Variants in UBA6 observed in about 807,000 individuals in gnomAD.
The protein encoded by UBA6 is ubiquitin-like modifier-activating enzyme 6.
In UBA6, 87 loss-of-function variants were observed where a neutral mutation model predicts 148.3. That is an observed-to-expected ratio of 0.59 (90% CI 0.49 to 0.70). UBA6 has a LOEUF of 0.70. UBA6 is among the 30% of genes least tolerant of loss of function. The pLI is 0.00. For synonymous variants in UBA6, 376 were observed against 401.0 expected (o/e 0.94, Z 0.75); for missense variants, 1,186 against 1,241.2 (o/e 0.96, Z 0.67).
At position 67,657,864 on chromosome 4, in the gene UBA6, C is replaced by A. The variant is rs1239273344; in HGVS notation, c.1104+4325G>T. On this transcript the variant is annotated intron_variant, in intron 13 of 32. Transcript: ENST00000322244. ...AAAAAGAAAACAAAAAACAAACAAC[C>A]CCATCAAAAAGTGGGCAAAGGATAT... Among the ~76,000 whole-genome samples the A allele has an allele frequency of 3.3e-5, 5 of 151,146 alleles. No individual in the cohort carries two copies. In the East Asian group the frequency reaches 9.7e-4, roughly 29 times the overall value.
At chr4:67,632,291 AT>A (rs1263732334) in intron 23 of UBA6, among the ~76,000 whole-genome samples, 1 of 127,178 alleles carries the variant, frequency 7.9e-6, no homozygotes, top group African/African-American at 2.9e-5. Context: ...AGTACTTTGT[AT>A]TTTTGAAATT....
At position 67,701,086 on chromosome 4, in the gene UBA6, C is replaced by A. The variant is rs1730971147; in HGVS notation, c.34G>T (p.Gly12Trp). The A allele has an allele frequency of 1.2e-6, 2 of 1,613,818 alleles. No homozygotes were observed. Among genetic ancestry groups the A allele is most frequent in the Non-Finnish European group, 1.7e-6 (2 of 1,179,806 alleles). The change falls in exon 1 of 33, where the codon GGG becomes TGG. Residue 12 changes from glycine to tryptophan, a missense_variant. Gly to Trp is a radical substitution (Grantham distance 184). Transcript: ENST00000322244. ...EGSEPVAAHQ[G>W]EEASCSSWGT... ...CAGGAAGAACAGGACGCCTCTTCCC[C>A]CTGATGGGCGGCCACAGGCTCGGAT...
intron 13 of UBA6, among the ~76,000 whole-genome samples, chr4:67,650,580 A>G (rs150878255): frequency 0.01 from 1,553 of 152,316 alleles, 14 homozygotes; most frequent in Non-Finnish European, 0.015. Context: ...GTATTACTAG[A>G]AAACAGAATA....
At chr4:67,627,197 T>C (rs1481403374) in intron 27 of UBA6, among the ~76,000 whole-genome samples, 9 of 151,964 alleles carry the variant, frequency 5.9e-5, no homozygotes, top group Admixed American at 5.9e-4. Flanking sequence ...GTAATATTTA[T>C]TTAAAAATAC....
intron 11 of UBA6, 56 bp from the exon 12 acceptor site, chr4:67,663,271 C>G (rs1340585465): frequency 8.7e-7 from 1 of 1,152,236 alleles, no homozygotes. Flanking sequence ...ATGTCCCAGG[C>G]ACTGGGCTAA....
chr4:67,659,757 C>T (rs901882394), intron 13 of UBA6, among the ~76,000 whole-genome samples: 4 of 142,694 alleles, frequency 2.8e-5, no homozygotes, highest in Non-Finnish European at 4.6e-5. Flanking sequence ...AACTGGAAAA[C>T]GCAGAGGTTG....
chr4:67,661,386 T>A (rs1056050456), intron 13 of UBA6, among the ~76,000 whole-genome samples: 7 of 152,114 alleles, frequency 4.6e-5, no homozygotes, highest in African/African-American at 1.7e-4. Flanking sequence ...GTGAGTCTCA[T>A]GAGATCTGAT....
At chr4:67,670,800 T>C (rs1428619354) in intron 7 of UBA6, among the ~76,000 whole-genome samples, 3 of 151,850 alleles carry the variant, frequency 2.0e-5, no homozygotes, top group African/African-American at 4.8e-5. Context: ...GGATGTCCAG[T>C]ATAACAAAAT....
chr4:67,641,212 G>T lies in UBA6; in HGVS notation c.1493C>A (p.Pro498His). 6.3e-7 allele frequency: 1 copy of T among 1,592,476 alleles called. No homozygotes were observed. Among genetic ancestry groups the T allele is most frequent in the Non-Finnish European group, 8.6e-7 (1 of 1,167,410 alleles). The change falls in exon 18 of 33, where the codon CCT (proline) becomes CAT (histidine). Residue 498 changes from proline (P) to histidine (H), a missense_variant. By Grantham distance (77) the Pro-to-His change is moderately conservative (BLOSUM62 -2). Transcript: ENST00000322244. The stretch of plus-strand genomic sequence containing the variant: ...TAAGTTGGATTTCTCTATCAAGTCA[G>T]GATCTGTAACTGTAATCTAATATCA... ...KEKGMITVTD[P>H]DLIEKSNLNR...
intron 2 of UBA6, among the ~76,000 whole-genome samples, chr4:67,691,381 T>G (rs1161303797): frequency 1.3e-5 from 2 of 152,206 alleles, no homozygotes; most frequent in Non-Finnish European, 2.9e-5. Context: ...CAGTCATAAG[T>G]GCATAAAAGT....
chr4:67,664,879 A>G (rs1337663704), intron 10 of UBA6, among the ~76,000 whole-genome samples: 3 of 152,160 alleles, frequency 2.0e-5, no homozygotes, highest in Non-Finnish European at 2.9e-5. Flanking sequence ...GTAAATTGTA[A>G]TAAGTATGAT....
At chr4:67,634,805 T>A (rs953696353) in intron 20 of UBA6, among the ~76,000 whole-genome samples, 4 of 152,042 alleles carry the variant, frequency 2.6e-5, no homozygotes, top group Non-Finnish European at 4.4e-5. Context: ...CTATAAATCA[T>A]TTTTTTCCTC....
In UBA6 at chr4:67,665,439, T is replaced by A. The variant is rs1350850279; in HGVS notation, c.794-147A>T. 6.2e-6 allele frequency: 3 copies of A among 480,314 alleles called. No homozygotes were observed. The East Asian group carries it at 1.1e-4, about 18-fold the overall frequency. The allele number at this position is 480,314 out of a possible 1,614,324, so 29.8% of individuals were successfully genotyped here. On this transcript the variant is annotated intron_variant, in intron 9 of 32. Transcript: ENST00000322244. ...TTTTTTTTTGTTTGTTTGTTTTTTT[T>A]TTTTTTTAATGAAGAGCTGGGAGGA...
chr4:67,679,971 G>C (rs978705340), intron 4 of UBA6, among the ~76,000 whole-genome samples: 1 of 152,000 alleles, frequency 6.6e-6, no homozygotes, highest in Non-Finnish European at 1.5e-5. Context: ...AACTATAATA[G>C]ATCAAAACAC....
At chr4:67,653,961 A>C (rs1456042691) in intron 13 of UBA6, among the ~76,000 whole-genome samples, 1 of 152,224 alleles carries the variant, frequency 6.6e-6, no homozygotes, top group Non-Finnish European at 1.5e-5. Flanking sequence ...GATTAATAAA[A>C]TATAGCAAGA....
chr4:67,678,631 A>T, intron 4 of UBA6, 98 bp from the exon 5 acceptor site: 1 of 516,004 alleles, frequency 1.9e-6, no homozygotes, highest in East Asian at 3.2e-5. Context: ...TATTTTGTGT[A>T]ATTAGACAAT....
chr4:67,613,536 G>T lies in UBA6; in HGVS notation c.*5461C>A, dbSNP rs1344179205. ...AAATATGAGAACTGAAAATACAAGG[G>T]GCTGAGAATAACCAAGATACTCTAA... On this transcript the variant is annotated 3_prime_UTR_variant, in exon 33 of 33. Transcript: ENST00000322244. 1 of 152,006 alleles carries T rather than the reference G, an allele frequency of 6.6e-6. No individual in the cohort carries two copies. Among genetic ancestry groups the T allele is most frequent in the Non-Finnish European group, 1.5e-5 (1 of 67,988 alleles). The allele number at this position is 152,006 out of a possible 1,614,324, so 9.4% of individuals were successfully genotyped here. A position where few individuals can be genotyped will look rare whatever the true frequency, so the allele number is the denominator to read the frequency against.
At chr4:67,695,196 G>A (rs191887841) in intron 2 of UBA6, among the ~76,000 whole-genome samples, 187 of 152,200 alleles carry the variant, frequency 1.2e-3, no homozygotes, top group Non-Finnish European at 2.3e-3. Context: ...TGACCAAAAG[G>A]ACATTAAGAA....
intron 14 of UBA6, 67 bp downstream of exon 14, chr4:67,649,001 A>G: frequency 2.0e-6 from 3 of 1,512,420 alleles, no homozygotes; most frequent in African/African-American, 1.4e-5. Context: ...TATTAATACT[A>G]CATTATAATA....
Sources: allele counts gnomAD v4.1 joint callset (sites outside exome capture counted in the v4.1 genomes callset), GRCh38; gene constraint gnomAD v4.1.1; transcripts MANE v1.5; gene names NCBI Gene and HGNC (gene_info 2026-07-23, HGNC 2026-07-21).